TNS1: variants seen among roughly 807,000 people sequenced by gnomAD.
TNS1 encodes the protein tensin 1.
TNS1 carries 62 observed loss-of-function variants against 168.6 expected under a neutral mutation model. That is an observed-to-expected ratio of 0.37 (90% CI 0.30 to 0.45). TNS1 has a LOEUF of 0.45. Among genes scored for constraint, TNS1 ranks in the 20% least tolerant of loss-of-function variants. The pLI is 1.00. For synonymous variants in TNS1, 934 were observed against 933.2 expected (o/e 1.00, Z -0.02); for missense variants, 2,240 against 2,339.4 (o/e 0.96, Z 0.88).
chr2:217,836,987 C>T (rs954811469), intron 19 of TNS1, among the ~76,000 whole-genome samples: 2 of 152,172 alleles, frequency 1.3e-5, no homozygotes, highest in Admixed American at 6.5e-5. Context: ...CACCCTCCTT[C>T]CTTCCCACTC....
chr2:217,906,276 C>CCCCTTCCCCCCCG, intron 6 of TNS1, 59 bp downstream of exon 6: 1 of 666,492 alleles, frequency 1.5e-6, no homozygotes, highest in Non-Finnish European at 2.8e-6. Context: ...CCCACCCCAC[C>CCCCTTCCCCCCCG]CCATTCCCCC....
chr2:217,914,544 G>A (rs1011157838), intron 4 of TNS1, among the ~76,000 whole-genome samples: 5 of 149,472 alleles, frequency 3.3e-5, no homozygotes, highest in Non-Finnish European at 7.4e-5. Context: ...ACGGAGTCTC[G>A]CTCTGTCGCC....
At chr2:217,833,544 G>C (rs1944755202) in intron 21 of TNS1, among the ~76,000 whole-genome samples, 2 of 152,226 alleles carry the variant, frequency 1.3e-5, no homozygotes, top group Non-Finnish European at 2.9e-5. Flanking sequence ...CCAAGGCAAG[G>C]TGATGTCCTT....
Position 217,848,648 on chromosome 2 carries a change from T to C in TNS1, c.1869A>G (p.Thr623=), listed in dbSNP as rs754158620. The C allele has an allele frequency of 6.3e-5, 102 of 1,614,094 alleles. No homozygotes were observed. Among genetic ancestry groups the C allele is most frequent in the Middle Eastern group, 1.6e-4 (1 of 6,084 alleles). ...TTGGCAATTCATCGTCCAGGATGTC[T>C]GTCTCCCGCTCAGATGCTAACGCCC... ...NGGALASERE[T]DILDDELPNQ... The change falls in exon 19 of 33, where the codon ACA becomes ACG. Residue 623 remains threonine, a synonymous_variant. Coordinates refer to ENST00000682258, the MANE Select transcript of TNS1 (RefSeq NM_001387777.1).
chr2:217,868,880 A>G (rs1949522479), intron 18 of TNS1, among the ~76,000 whole-genome samples: 1 of 152,198 alleles, frequency 6.6e-6, no homozygotes, highest in Non-Finnish European at 1.5e-5. Flanking sequence ...ACTCTAAGAC[A>G]CTGTCCTTAA....
chr2:217,852,594 A>G (rs963095310), intron 18 of TNS1, among the ~76,000 whole-genome samples: 3 of 152,250 alleles, frequency 2.0e-5, no homozygotes, highest in Admixed American at 6.5e-5. Flanking sequence ...CAGAAAAACT[A>G]TGAAGGCATC....
chr2:217,840,610 C>T (rs1056557128), intron 19 of TNS1, among the ~76,000 whole-genome samples: 13 of 152,312 alleles, frequency 8.5e-5, no homozygotes, highest in Non-Finnish European at 1.3e-4. Context: ...AGAGGGGGTA[C>T]GCTGTCCCCA....
chr2:217,974,085 A>G (rs2126035579), intron 3 of TNS1, among the ~76,000 whole-genome samples: 1 of 152,352 alleles, frequency 6.6e-6, no homozygotes, highest in South Asian at 2.1e-4. Context: ...AACAGGCAAA[A>G]CTAATCTCTG....
At chr2:218,024,872 G>A (rs955549900) in intron 1 of TNS1, among the ~76,000 whole-genome samples, 1 of 152,208 alleles carries the variant, frequency 6.6e-6, no homozygotes, top group Non-Finnish European at 1.5e-5. Context: ...GGAGAAACGG[G>A]GAGGGGAACA....
At chr2:217,935,965 T>A (rs1017493400) in intron 3 of TNS1, among the ~76,000 whole-genome samples, 1 of 151,838 alleles carries the variant, frequency 6.6e-6, no homozygotes, top group Non-Finnish European at 1.5e-5. Context: ...TCATGAGAGG[T>A]CATTGCTCTA....
Position 217,804,094 on chromosome 2 carries a change from C to T in TNS1, c.*365G>A, listed in dbSNP as rs188214125. Reference sequence around the variant, plus strand: ...GGGAGACAGAGCTTTTCCATTCCCCCAAAAAATGTGGATTCCCAAGGAGGT... The same window carrying T: ...GGGAGACAGAGCTTTTCCATTCCCCTAAAAAATGTGGATTCCCAAGGAGGT... On this transcript the variant is annotated 3_prime_UTR_variant, in exon 33 of 33. Coordinates refer to ENST00000682258, the MANE Select transcript of TNS1 (RefSeq NM_001387777.1). 77 of 173,234 alleles carry T rather than the reference C, an allele frequency of 4.4e-4. 2 individuals carry two copies. The South Asian group carries it at 0.012, about 27-fold the overall frequency. 10.7% of individuals were successfully genotyped at this position (173,234 alleles called of 1,614,324 possible). A position where few individuals can be genotyped will look rare whatever the true frequency, so the allele number is the denominator to read the frequency against.
chr2:217,940,553 TGTC>T (rs1286343401), intron 3 of TNS1, among the ~76,000 whole-genome samples: 6 of 151,952 alleles, frequency 3.9e-5, no homozygotes, highest in Admixed American at 2.0e-4. Flanking sequence ...CAGGAAAGAG[TGTC>T]GTCATTTAGC....
intron 2 of TNS1, among the ~76,000 whole-genome samples, chr2:217,980,504 C>T (rs866121069): frequency 1.5e-5 from 2 of 131,232 alleles, no homozygotes; most frequent in Non-Finnish European, 3.3e-5. Context: ...CCTACACACA[C>T]ACAGAGAGAG....
In TNS1 at chr2:217,885,777, G is replaced by A. The variant is rs1364036682; in HGVS notation, c.1083C>T (p.Ile361=). 21 of 1,614,074 alleles carry A rather than the reference G, an allele frequency of 1.3e-5. No individual in the cohort carries two copies. Among genetic ancestry groups the A allele is most frequent in the East Asian group, 2.2e-5 (1 of 44,894 alleles). The change falls in exon 15 of 33, where the codon ATC becomes ATT. Residue 361 remains isoleucine, a synonymous_variant. Transcript: ENST00000682258. The part of the protein sequence containing the change: ...GDSQTSVCIT[I]EPGLLLKGDI... ...CTCCCTTCAAGAGCAGTCCTGGCTCGATGGTGATGCAGACGCTAGTCTGGC... is the reference window on the plus strand; with the variant it reads ...CTCCCTTCAAGAGCAGTCCTGGCTCAATGGTGATGCAGACGCTAGTCTGGC...
At chr2:217,811,519 A>T (rs1940900665) in intron 28 of TNS1, among the ~76,000 whole-genome samples, 1 of 152,176 alleles carries the variant, frequency 6.6e-6, no homozygotes, top group Admixed American at 6.5e-5. Flanking sequence ...ACTAGAAAAA[A>T]ATCCTAGGGC....
intron 10 of TNS1, 71 bp from the exon 11 acceptor site, chr2:217,893,083 G>T: frequency 6.3e-7 from 1 of 1,580,890 alleles, no homozygotes; most frequent in Non-Finnish European, 8.7e-7. Flanking sequence ...TTATCTAGAA[G>T]CCTTGGTGGA....
intron 21 of TNS1, among the ~76,000 whole-genome samples, chr2:217,832,126 G>A (rs141958173): frequency 1.6e-4 from 25 of 152,288 alleles, no homozygotes; most frequent in East Asian, 1.9e-4. Flanking sequence ...GCCAGCCCTC[G>A]GCCAAGCATG....
chr2:217,955,305 C>G (rs549662207), intron 3 of TNS1, among the ~76,000 whole-genome samples: 1 of 152,344 alleles, frequency 6.6e-6, no homozygotes, highest in African/African-American at 2.4e-5. Flanking sequence ...CCCTTCTAGC[C>G]AGCTTCCCCC....
chr2:217,907,380 A>C (rs1953838112), intron 4 of TNS1, 129 bp from the exon 5 acceptor site: 1 of 651,606 alleles, frequency 1.5e-6, no homozygotes, highest in Admixed American at 2.2e-5. Flanking sequence ...CCAACCCAAG[A>C]CTCAGGCATA....
Sources: gnomAD v4.1 joint callset for allele counts (sites outside exome capture counted in the v4.1 genomes callset) on GRCh38, gnomAD v4.1.1 for gene constraint, MANE v1.5 for transcripts, NCBI Gene and HGNC (gene_info 2026-07-23, HGNC 2026-07-21) for gene names.